Variants in LINGO1 observed in about 807,000 individuals in gnomAD.
LINGO1 encodes leucine rich repeat and Ig domain containing 1, also known as leucine-rich repeat and immunoglobulin-like domain-containing nogo receptor-interacting protein 1.
A neutral mutation model predicts 37.3 loss-of-function variants in LINGO1; 11 were observed. The ratio of observed to expected loss-of-function variants is 0.29; its 90% CI spans 0.19 to 0.49. LINGO1 has a LOEUF of 0.49. Among genes scored for constraint, LINGO1 ranks in the 20% least tolerant of loss-of-function variants. The probability of loss-of-function intolerance (pLI) is 0.99; values close to 1 mark genes in which losing one functional copy is unlikely to be tolerated. For synonymous variants in LINGO1, 387 were observed against 403.0 expected (o/e 0.96, Z 0.48); for missense variants, 585 against 878.2 (o/e 0.67, Z 4.22).
At chr15:77,757,625 G>A (rs8029954) in intron 1 of LINGO1, among the ~76,000 whole-genome samples, 28,944 of 152,190 alleles carry the variant, frequency 0.19, 4,510 homozygotes, top group African/African-American at 0.43. Context: ...TCCATGGACC[G>A]TGAGCCAGAA....
chr15:77,793,520 C>T (rs2076834242), intron 2 of LINGO1, among the ~76,000 whole-genome samples: 1 of 152,220 alleles, frequency 6.6e-6, no homozygotes, highest in South Asian at 2.1e-4. Context: ...TACCACTGCA[C>T]CTTTGCTCAG....
intron 2 of LINGO1, among the ~76,000 whole-genome samples, chr15:77,714,134 C>T (rs962650476): frequency 2.0e-5 from 3 of 152,188 alleles, no homozygotes; most frequent in Non-Finnish European, 4.4e-5. Flanking sequence ...TCCTCCACTG[C>T]ACCTCCACAT....
chr15:77,706,811 T>C (rs945007177), intron 2 of LINGO1, among the ~76,000 whole-genome samples: 2 of 152,130 alleles, frequency 1.3e-5, no homozygotes, highest in Non-Finnish European at 2.9e-5. Flanking sequence ...GCCCAGAACA[T>C]AGCAGGTCCT....
intron 2 of LINGO1, among the ~76,000 whole-genome samples, chr15:77,794,341 T>TAC (rs2076844241): frequency 8.6e-6 from 1 of 116,300 alleles, no homozygotes; most frequent in South Asian, 2.5e-4. Context: ...TGTATATACA[T>TAC]ACATATATAC....
intron 1 of LINGO1, among the ~76,000 whole-genome samples, chr15:77,814,996 C>T (rs1215471813): frequency 6.6e-6 from 1 of 152,222 alleles, no homozygotes; most frequent in Non-Finnish European, 1.5e-5. Flanking sequence ...CATGGAGCTG[C>T]CTATCCGGCT....
At chr15:77,664,170 T>TGCGCGCGCGTGCGC (rs1555527606) in intron 3 of LINGO1, among the ~76,000 whole-genome samples, 4,359 of 130,774 alleles carry the variant, frequency 0.033, 136 homozygotes, top group Non-Finnish European at 0.046. Flanking sequence ...TGTGTGTGTG[T>TGCGCGCGCGTGCGC]GCGCGCGCGC....
intron 3 of LINGO1, among the ~76,000 whole-genome samples, chr15:77,657,795 C>T (rs892657660): frequency 1.3e-5 from 2 of 152,086 alleles, no homozygotes; most frequent in Admixed American, 6.5e-5. Flanking sequence ...GAGGCTCCGC[C>T]GCGGGGGCTT....
chr15:77,631,610 C>G (rs1027069114), intron 1 of LINGO1, among the ~76,000 whole-genome samples: 1 of 152,234 alleles, frequency 6.6e-6, no homozygotes, highest in Non-Finnish European at 1.5e-5. Context: ...CCTTACCTCC[C>G]TCTTCTCAGC....
Position 77,704,339 on chromosome 15 carries a change from A to G in LINGO1, c.-194-13438T>C, listed in dbSNP as rs193171843. ...CACATAGAGCACTATGCTGAGCTCC[A>G]ACCATGGCCACACATTAAGCCCCGA... On this transcript the variant is annotated intron_variant, in intron 2 of 3. Transcript: ENST00000561686. Among the ~76,000 whole-genome samples, 456 of 151,682 alleles carry G rather than the reference A, an allele frequency of 3.0e-3. 5 individuals are homozygous for G. The highest frequency in any genetic ancestry group is 0.011 in the African/African-American group (441 of 40,938).
intron 1 of LINGO1, among the ~76,000 whole-genome samples, chr15:77,800,711 C>G (rs986913240): frequency 6.6e-6 from 1 of 152,212 alleles, no homozygotes; most frequent in Non-Finnish European, 1.5e-5. Context: ...ACAAATCCAA[C>G]TACTGTACAT....
Position 77,614,305 on chromosome 15 carries a change from G to C in LINGO1, c.1602C>G (p.Asn534Lys). ...QPNKTFAFISNQPGEGEANST... is the reference protein window; with the variant it reads ...QPNKTFAFISKQPGEGEANST... ...TGTTGGCCTCTCCCTCGCCCGGCTGGTTGGAGATGAAAGCGAAGGTCTTGT... is the reference window on the plus strand; with the variant it reads ...TGTTGGCCTCTCCCTCGCCCGGCTGCTTGGAGATGAAAGCGAAGGTCTTGT... Residue 534 changes from asparagine (N) to lysine (K), a missense_variant, in exon 2 of 2, where the codon AAC becomes AAG. Physicochemically the swap from Asn to Lys is moderately conservative, Grantham distance 94. Coordinates refer to ENST00000355300, the MANE Select transcript of LINGO1 (RefSeq NM_032808.7). 1.2e-6 allele frequency: 2 copies of C among 1,614,036 alleles called. No individual in the cohort carries two copies. Among genetic ancestry groups the C allele is most frequent in the Non-Finnish European group, 1.7e-6 (2 of 1,179,902 alleles).
chr15:77,705,498 C>A (rs754152802), intron 2 of LINGO1, among the ~76,000 whole-genome samples: 3 of 152,110 alleles, frequency 2.0e-5, no homozygotes, highest in Non-Finnish European at 4.4e-5. Context: ...CTAGGGGTTT[C>A]CCTCCTCTCA....
At chr15:77,729,724 T>C (rs1174460023) in intron 2 of LINGO1, among the ~76,000 whole-genome samples, 7 of 152,244 alleles carry the variant, frequency 4.6e-5, no homozygotes, top group African/African-American at 1.7e-4. Context: ...AAGGACTATA[T>C]GCTGTTTTGC....
chr15:77,724,155 C>T (rs1054715753), intron 2 of LINGO1, among the ~76,000 whole-genome samples: 2 of 152,172 alleles, frequency 1.3e-5, no homozygotes, highest in African/African-American at 2.4e-5. Context: ...ATCCAATGGC[C>T]CCAGGGTCTG....
At chr15:77,791,202 G>A (rs2076815841), upstream of LINGO1, among the ~76,000 whole-genome samples, 1 of 152,120 alleles carries the variant, frequency 6.6e-6, no homozygotes, top group African/African-American at 2.4e-5. Context: ...AGTACTTGAG[G>A]GTGGGGCAGC....
At chr15:77,638,305 C>A (rs575020465), upstream of LINGO1, among the ~76,000 whole-genome samples, 1 of 152,304 alleles carries the variant, frequency 6.6e-6, no homozygotes, top group East Asian at 1.9e-4. Flanking sequence ...CAGGAAAACA[C>A]CCAGTGTTCC....
intron 1 of LINGO1, among the ~76,000 whole-genome samples, chr15:77,745,958 G>A (rs974732697): frequency 6.6e-6 from 1 of 151,914 alleles, no homozygotes; most frequent in Non-Finnish European, 1.5e-5. Flanking sequence ...AGCTGGGCAC[G>A]GTGGCTCACA....
At chr15:77,720,097 C>A (rs1250399174) in intron 2 of LINGO1, among the ~76,000 whole-genome samples, 2 of 150,148 alleles carry the variant, frequency 1.3e-5, no homozygotes, top group Non-Finnish European at 3.0e-5. Context: ...CACACACCAC[C>A]ACCCCCTTGG....
chr15:77,812,149 T>C (rs1411310064), intron 1 of LINGO1, among the ~76,000 whole-genome samples: 3 of 152,192 alleles, frequency 2.0e-5, no homozygotes, highest in African/African-American at 7.2e-5. Flanking sequence ...CCTTAACACA[T>C]TCAGAAGCCA....
Sources: allele counts gnomAD v4.1 joint callset (sites outside exome capture counted in the v4.1 genomes callset), GRCh38; gene constraint gnomAD v4.1.1; transcripts MANE v1.5; gene names NCBI Gene and HGNC (gene_info 2026-07-23, HGNC 2026-07-21).